The following STXBP3 variants were observed in gnomAD, a reference collection of about 807,000 sequenced individuals.
STXBP3 encodes the protein syntaxin binding protein 3.
A neutral mutation model predicts 85.7 loss-of-function variants in STXBP3; 41 were observed. The observed-to-expected ratio is 0.48, with a 90% CI of 0.37 to 0.62. The LOEUF is 0.62. STXBP3 is among the 20% of genes least tolerant of loss of function. The pLI, the probability that STXBP3 is intolerant of heterozygous loss-of-function variation, is 0.00. For synonymous variants in STXBP3, 229 were observed against 231.7 expected, an observed-to-expected ratio of 0.99 and a Z score of 0.10; for missense variants, 563 against 703.1, an observed-to-expected ratio of 0.80 and a Z score of 2.25.
Position 108,796,654 on chromosome 1 carries a change from G to T in STXBP3, c.1284G>T (p.Gln428His). 1.9e-6 allele frequency: 3 copies of T among 1,613,566 alleles called. No individual in the cohort carries two copies. The highest frequency in any genetic ancestry group is 2.5e-6 in the Non-Finnish European group (3 of 1,179,800). The change falls in exon 15 of 19, where the codon CAG becomes CAT. Residue 428 changes from glutamine (Q) to histidine (H), a missense_variant. Physicochemically the swap from Gln to His is conservative, Grantham distance 24. Transcript: ENST00000370008. ...TTEENLDRLI[Q>H]NVKIENESDM... Reference sequence around the variant, plus strand: ...AAGAAAATTTGGACAGGTTGATCCAGAATGTAAAGATAGAAAATGAGAGTG... The same window carrying T: ...AAGAAAATTTGGACAGGTTGATCCATAATGTAAAGATAGAAAATGAGAGTG...
chr1:108,747,211 C>T (rs1295051700), intron 1 of STXBP3, among the ~76,000 whole-genome samples: 1 of 151,588 alleles, frequency 6.6e-6, no homozygotes, highest in Non-Finnish European at 1.5e-5. Flanking sequence ...CCCCCATCTC[C>T]ACCCCACACT....
chr1:108,753,135 G>C lies in STXBP3; in HGVS notation c.172G>C (p.Gly58Arg). 6.3e-7 allele frequency: 1 copy of C among 1,580,122 alleles called. No individual in the cohort carries two copies. Among genetic ancestry groups the C allele is most frequent in the Non-Finnish European group, 8.6e-7 (1 of 1,165,232 alleles). ...CCKMTDLLEEGITVVENIYKN... is the reference protein window; with the variant it reads ...CCKMTDLLEERITVVENIYKN... ...CAAAATGACAGATCTTCTAGAAGAAGGTATTACTGGTAAGTGTTATTCTTG... is the reference window on the plus strand; with the variant it reads ...CAAAATGACAGATCTTCTAGAAGAACGTATTACTGGTAAGTGTTATTCTTG... The change falls in exon 3 of 19, where the codon GGT becomes CGT. Residue 58 changes from glycine to arginine, a missense_variant. Physicochemically the swap from Gly to Arg is moderately radical, Grantham distance 125 (BLOSUM62 -2). Transcript: ENST00000370008.
At chr1:108,801,204 C>A (rs537990290) in intron 17 of STXBP3, among the ~76,000 whole-genome samples, 6 of 151,664 alleles carry the variant, frequency 4.0e-5, no homozygotes, top group Non-Finnish European at 7.4e-5. Flanking sequence ...CTTTTTAATT[C>A]TTTTGATCAT....
chr1:108,805,510 C>T (rs375258089), intron 17 of STXBP3, among the ~76,000 whole-genome samples: 1 of 151,048 alleles, frequency 6.6e-6, no homozygotes, highest in Non-Finnish European at 1.5e-5. Context: ...CTGCAACCTC[C>T]ACCTCCCAGG....
At chr1:108,770,694 GT>G (rs1662372113) in intron 6 of STXBP3, among the ~76,000 whole-genome samples, 1 of 152,162 alleles carries the variant, frequency 6.6e-6, no homozygotes, top group South Asian at 2.1e-4. Flanking sequence ...AATTTTCATA[GT>G]TTAAGAGAAA....
intron 5 of STXBP3, among the ~76,000 whole-genome samples, 196 bp from the exon 6 acceptor site, chr1:108,759,789 G>A (rs1159044157): frequency 1.3e-5 from 2 of 152,048 alleles, no homozygotes; most frequent in Non-Finnish European, 2.9e-5. Context: ...TGGGAAAGAT[G>A]GAATTTCTGT....
chr1:108,801,657 A>G (rs200660781), intron 17 of STXBP3, among the ~76,000 whole-genome samples: 2 of 142,524 alleles, frequency 1.4e-5, no homozygotes, highest in Non-Finnish European at 3.1e-5. Context: ...CCTTTTTTTA[A>G]TTTTTTTTTT....
chr1:108,767,534 G>T, intron 6 of STXBP3: 2 of 169,622 alleles, frequency 1.2e-5, no homozygotes, highest in South Asian at 1.3e-4. Flanking sequence ...CTGTGTTGAT[G>T]AGTGTGTTGT....
intron 7 of STXBP3, among the ~76,000 whole-genome samples, chr1:108,773,910 G>A (rs1256117358): frequency 6.6e-6 from 1 of 152,000 alleles, no homozygotes; most frequent in Non-Finnish European, 1.5e-5. Context: ...GATATGGCAT[G>A]TTAATTCATT....
At chr1:108,793,759 G>A in intron 12 of STXBP3, 112 bp downstream of exon 12, 1 of 853,742 alleles carries the variant, frequency 1.2e-6, no homozygotes. Context: ...GGTGTTATTT[G>A]TCCTCTAAAA....
At chr1:108,755,572 C>T (rs1433304987) in intron 3 of STXBP3, among the ~76,000 whole-genome samples, 1 of 151,906 alleles carries the variant, frequency 6.6e-6, no homozygotes, top group Non-Finnish European at 1.5e-5. Flanking sequence ...GGAGAAGTGG[C>T]ACTTTCTGTT....
In STXBP3 at chr1:108,776,497, C is replaced by T. The variant is rs776905034; in HGVS notation, c.684+74C>T. On this transcript the variant is annotated intron_variant, in intron 8 of 18. Coordinates refer to ENST00000370008, the MANE Select transcript of STXBP3 (RefSeq NM_007269.4). ...TCTTTATAAGCCAAAGAAACTTGCT[C>T]ATTCATTTTCTAGTATTGATTTGGG... The T allele has an allele frequency of 3.9e-4, 428 of 1,108,926 alleles. 1 individual carries two copies. The highest frequency in any genetic ancestry group is 5.1e-4 in the Non-Finnish European group (399 of 780,508). 68.7% of individuals were successfully genotyped at this position (1,108,926 alleles called of 1,614,324 possible).
intron 17 of STXBP3, among the ~76,000 whole-genome samples, chr1:108,804,841 T>C (rs1570777280): frequency 6.6e-6 from 1 of 152,354 alleles, no homozygotes; most frequent in Non-Finnish European, 1.5e-5. Context: ...ATCTGTACCT[T>C]GCACAGTACC....
chr1:108,798,179 C>G lies in STXBP3; in HGVS notation c.1391C>G (p.Ser464Cys), dbSNP rs1335232103. Residue 464 changes from serine to cysteine, a missense_variant, in exon 16 of 19, where the codon TCT becomes TGT. By Grantham distance (112) the Ser-to-Cys change is moderately radical. This residue lies in a region of STXBP3 where 494 missense variants were observed against 592.8 expected (regional missense o/e 0.83). Coordinates refer to ENST00000370008, the MANE Select transcript of STXBP3 (RefSeq NM_007269.4). ...GGCAAACCGTTAAGAAAGGATCGGTCTGCAGAAGAAACTTTTCAGCTCTCT... is the reference window on the plus strand; with the variant it reads ...GGCAAACCGTTAAGAAAGGATCGGTGTGCAGAAGAAACTTTTCAGCTCTCT... Reference protein sequence around the residue: ...QQGKPLRKDRSAEETFQLSRW... With the variant: ...QQGKPLRKDRCAEETFQLSRW... The G allele has an allele frequency of 9.3e-6, 15 of 1,611,604 alleles. No individual in the cohort carries two copies. In the Admixed American group the frequency reaches 2.5e-4, roughly 27 times the overall value.
rs1249214414 is a variant in STXBP3 at position 108,753,163 on chromosome 1, A to G, written c.181+19A>G. The stretch of plus-strand genomic sequence containing the variant: ...ATTACTGGTAAGTGTTATTCTTGGC[A>G]TGAACACTTTTTAATTGTAATTGGG... On this transcript the variant is annotated intron_variant, in intron 3 of 18. Transcript: ENST00000370008. 1.3e-6 allele frequency: 2 copies of G among 1,513,316 alleles called. No homozygotes were observed. The highest frequency in any genetic ancestry group is 1.8e-6 in the Non-Finnish European group (2 of 1,128,556). 93.7% of individuals were successfully genotyped at this position (1,513,316 alleles called of 1,614,324 possible).
At chr1:108,768,432 A>G (rs559708619) in intron 6 of STXBP3, among the ~76,000 whole-genome samples, 13 of 152,258 alleles carry the variant, frequency 8.5e-5, no homozygotes, top group African/African-American at 2.9e-4. Context: ...GGAGATTGGG[A>G]AAATATTTGA....
In STXBP3 at chr1:108,793,509, C is replaced by T; in HGVS notation, c.964-73C>T. 9 of 1,304,808 alleles carry T rather than the reference C, an allele frequency of 6.9e-6. No homozygotes were observed. In the South Asian group the frequency reaches 1.2e-4, roughly 17 times the overall value. The allele number at this position is 1,304,808 out of a possible 1,614,324, so 80.8% of individuals were successfully genotyped here. ...ACTAGATTTGATAATTTGTAAAACT[C>T]TAGGATTTCAAAGTTGTAATATGGA... On this transcript the variant is annotated intron_variant, in intron 11 of 18. Coordinates refer to ENST00000370008, the MANE Select transcript of STXBP3 (RefSeq NM_007269.4).
chr1:108,778,894 GGA>G, intron 8 of STXBP3, among the ~76,000 whole-genome samples: 1 of 152,014 alleles, frequency 6.6e-6, no homozygotes, highest in Non-Finnish European at 1.5e-5. Context: ...CTACATATCT[GGA>G]AAGTCAGCCC....
intron 9 of STXBP3, 138 bp from the exon 10 acceptor site, chr1:108,782,284 T>A: frequency 1.6e-6 from 1 of 627,942 alleles, no homozygotes; most frequent in Non-Finnish European, 2.8e-6. Flanking sequence ...TGAGTAGGTA[T>A]TCATTACCCC....
Sources: allele counts gnomAD v4.1 joint callset (sites outside exome capture counted in the v4.1 genomes callset), GRCh38; gene constraint gnomAD v4.1.1; regional missense constraint gnomAD v4.1.1; transcripts MANE v1.5; gene names NCBI Gene and HGNC (gene_info 2026-07-23, HGNC 2026-07-21).